The following FASLG variants were observed in gnomAD, a reference collection of about 807,000 sequenced individuals.
The protein encoded by FASLG is tumor necrosis factor ligand superfamily member 6.
Under a neutral mutation model 24.6 loss-of-function variants are expected in FASLG, and 9 were observed. The observed-to-expected ratio is 0.37, with a 90% CI of 0.22 to 0.64. The LOEUF is 0.64. FASLG is among the 30% of genes least tolerant of loss of function. The pLI, the probability that FASLG is intolerant of heterozygous loss-of-function variation, is 0.64. For missense variants in FASLG, 306 were observed against 345.3 expected (o/e 0.89, Z 0.90); for synonymous variants, 130 against 135.5 (o/e 0.96, Z 0.28).
In FASLG at chr1:172,664,318, T is replaced by G; in HGVS notation, c.395-16T>G. The G allele has an allele frequency of 5.0e-6, 8 of 1,613,148 alleles. No individual in the cohort carries two copies. The highest frequency in any genetic ancestry group is 6.8e-6 in the Non-Finnish European group (8 of 1,179,422). ...ATTTCATTTTAACATATATTTTTCCTCTCTCTATGATACAGGCCACCCCAG... is the reference window on the plus strand; with the variant it reads ...ATTTCATTTTAACATATATTTTTCCGCTCTCTATGATACAGGCCACCCCAG... On this transcript the variant is annotated splice_polypyrimidine_tract_variant and intron_variant, in intron 2 of 3. Coordinates refer to ENST00000367721, the MANE Select transcript of FASLG (RefSeq NM_000639.3).
At chr1:172,661,763 A>G (rs1304367544) in intron 2 of FASLG, among the ~76,000 whole-genome samples, 1 of 152,202 alleles carries the variant, frequency 6.6e-6, no homozygotes. Flanking sequence ...AAATTAATAA[A>G]GATTAAAAAA....
rs1181655715 is a variant in FASLG at position 172,666,820 on chromosome 1, G to A, written c.*804G>A. The A allele has an allele frequency of 1.3e-5, 2 of 152,364 alleles. No individual in the cohort carries two copies. The highest frequency in any genetic ancestry group is 2.9e-5 in the Non-Finnish European group (2 of 68,018). The allele number at this position is 152,364 out of a possible 1,614,324, so 9.4% of individuals were successfully genotyped here. A position where few individuals can be genotyped will look rare whatever the true frequency, so the allele number is the denominator to read the frequency against. Reference sequence around the variant, plus strand: ...TAATATAATAAATATTTATGTAGATGTGCATTTTTGTGAAATGAAAACATG... The same window carrying A: ...TAATATAATAAATATTTATGTAGATATGCATTTTTGTGAAATGAAAACATG... On this transcript the variant is annotated 3_prime_UTR_variant, in exon 4 of 4. Transcript: ENST00000367721.
chr1:172,659,653 T>G (rs1659096589), intron 1 of FASLG, 104 bp downstream of exon 1: 11 of 1,453,060 alleles, frequency 7.6e-6, no homozygotes, highest in Non-Finnish European at 1.0e-5. Flanking sequence ...TTTTTTTTTT[T>G]TCTTAGAAAT....
In FASLG at chr1:172,659,177, G is replaced by C; in HGVS notation, c.-25G>C. Reference sequence around the variant, plus strand: ...TGAGAAGAAGTAAAACCGTTTGCTGGGGCTGGCCTGACTCACCAGCTGCCA... The same window carrying C: ...TGAGAAGAAGTAAAACCGTTTGCTGCGGCTGGCCTGACTCACCAGCTGCCA... On this transcript the variant is annotated 5_prime_UTR_variant, in exon 1 of 4. Coordinates refer to ENST00000367721, the MANE Select transcript of FASLG (RefSeq NM_000639.3). The C allele has an allele frequency of 6.2e-7, 1 of 1,614,004 alleles. No homozygotes were observed. The highest frequency in any genetic ancestry group is 8.5e-7 in the Non-Finnish European group (1 of 1,179,990).
Position 172,665,903 on chromosome 1 carries a change from C to T in FASLG, c.733C>T (p.Leu245=), listed in dbSNP as rs1436573920. ...GCAGATGTGGGCCCGCAGCAGCTACCTGGGGGCAGTGTTCAATCTTACCAG... is the reference window on the plus strand; with the variant it reads ...GCAGATGTGGGCCCGCAGCAGCTACTTGGGGGCAGTGTTCAATCTTACCAG... ...TGQMWARSSY[L]GAVFNLTSAD... The change falls in exon 4 of 4, where the codon CTG becomes TTG. Residue 245 remains leucine, a synonymous_variant. Transcript: ENST00000367721. 1 of 1,611,610 alleles carries T rather than the reference C, an allele frequency of 6.2e-7. No homozygotes were observed. The highest frequency in any genetic ancestry group is 1.3e-5 in the African/African-American group (1 of 74,830).
chr1:172,665,558 A>G (rs1464450760), intron 3 of FASLG, 64 bp from the exon 4 acceptor site: 8 of 1,590,678 alleles, frequency 5.0e-6, no homozygotes, highest in East Asian at 2.2e-5. Context: ...GTTTTGCCTT[A>G]GAAACTTAGT....
Position 172,660,139 on chromosome 1 carries a change from A to C in FASLG, c.393A>C (p.Ile131=). The C allele has an allele frequency of 6.2e-7, 1 of 1,614,066 alleles. No homozygotes were observed. The highest frequency in any genetic ancestry group is 8.5e-7 in the Non-Finnish European group (1 of 1,179,898). Residue 131 remains isoleucine (I), a splice_region_variant and synonymous_variant, in exon 2 of 4, where the codon ATA becomes ATC. Coordinates refer to ENST00000367721, the MANE Select transcript of FASLG (RefSeq NM_000639.3). The part of the protein sequence containing the change: ...MHTASSLEKQ[I]GHPSPPPEKK... ...CAGCATCATCTTTGGAGAAGCAAAT[A>C]GGTGAGTCTTTTTTCGCATGTACAT... is the stretch of plus-strand genomic sequence containing the variant.
intron 2 of FASLG, 135 bp from the exon 3 acceptor site, chr1:172,664,199 A>C (rs543170183): frequency 1.2e-6 from 1 of 868,316 alleles, no homozygotes; most frequent in East Asian, 2.7e-5. Flanking sequence ...TCAGACCTAC[A>C]TGATTAGTAT....
chr1:172,660,048 A>C (rs754474862), intron 1 of FASLG, 47 bp from the exon 2 acceptor site: 7 of 1,583,552 alleles, frequency 4.4e-6, no homozygotes, highest in Non-Finnish European at 6.1e-6. Flanking sequence ...CTTTTGCTTA[A>C]AGAATTTTAT....
In FASLG at chr1:172,665,953, A is replaced by T; in HGVS notation, c.783A>T (p.Val261=). ...GTGCTGATCATTTATATGTCAACGT[A>T]TCTGAGCTCTCTCTGGTCAATTTTG... is the stretch of plus-strand genomic sequence containing the variant. ...LTSADHLYVN[V]SELSLVNFEE... Residue 261 remains valine (V), a synonymous_variant, in exon 4 of 4, where the codon GTA becomes GTT. Transcript: ENST00000367721. 6.2e-7 allele frequency: 1 copy of T among 1,613,992 alleles called. No homozygotes were observed. Among genetic ancestry groups the T allele is most frequent in the Non-Finnish European group, 8.5e-7 (1 of 1,179,890 alleles).
rs1659261838 is a variant in FASLG at position 172,666,244 on chromosome 1, C to T, written c.*228C>T. ...CGGAAGAACATAGAACTCTGGGCTGCCATGTGAAGAGGGAGAAGCATGAAA... is the reference window on the plus strand; with the variant it reads ...CGGAAGAACATAGAACTCTGGGCTGTCATGTGAAGAGGGAGAAGCATGAAA... On this transcript the variant is annotated 3_prime_UTR_variant, in exon 4 of 4. Transcript: ENST00000367721. 3.5e-6 allele frequency: 2 copies of T among 564,224 alleles called. No individual in the cohort carries two copies. Among genetic ancestry groups the T allele is most frequent in the Non-Finnish European group, 3.1e-6 (1 of 318,524 alleles). The allele number at this position is 564,224 out of a possible 1,614,324, so 35.0% of individuals were successfully genotyped here.
rs140595317 is a variant in FASLG, at chr1:172,659,309, G to A, written c.108G>A (p.Val36=). 8.1e-4 allele frequency: 1,308 copies of A among 1,613,982 alleles called. 1 individual carries two copies. The highest frequency in any genetic ancestry group is 1.1e-3 in the Non-Finnish European group (1,257 of 1,179,978). ...PGTVLPCPTS[V]PRRPGQRRPP... ...CAGTTCTTCCCTGTCCAACCTCTGT[G>A]CCCAGAAGGCCTGGTCAAAGGAGGC... The change falls in exon 1 of 4, where the codon GTG becomes GTA. Residue 36 remains valine, a synonymous_variant. Coordinates refer to ENST00000367721, the MANE Select transcript of FASLG (RefSeq NM_000639.3).
chr1:172,665,190 C>T (rs1022126301), intron 3 of FASLG, among the ~76,000 whole-genome samples: 1 of 152,164 alleles, frequency 6.6e-6, no homozygotes, highest in African/African-American at 2.4e-5. Flanking sequence ...AATTGAGGGG[C>T]TGAATAATTC....
In FASLG at chr1:172,659,454, G is replaced by T; in HGVS notation, c.253G>T (p.Val85Leu). 1 of 1,613,982 alleles carries T rather than the reference G, an allele frequency of 6.2e-7. No individual in the cohort carries two copies. ...GNHSTGLCLLVMFFMVLVALV... is the reference protein window; with the variant it reads ...GNHSTGLCLLLMFFMVLVALV... ...CCACAGCACAGGCCTGTGTCTCCTT[G>T]TGATGTTTTTCATGGTTCTGGTTGC... Residue 85 changes from valine (V) to leucine (L), a missense_variant, in exon 1 of 4, where the codon GTG (valine) becomes TTG (leucine). Transcript: ENST00000367721.
rs766268405 is a variant in FASLG, at chr1:172,665,807, A to G, written c.637A>G (p.Met213Val). The change falls in exon 4 of 4, where the codon ATG becomes GTG. Residue 213 changes from methionine to valine, a missense_variant. Physicochemically the swap from Met to Val is conservative, Grantham distance 21 (BLOSUM62 1). Coordinates refer to ENST00000367721, the MANE Select transcript of FASLG (RefSeq NM_000639.3). ...NNLPLSHKVY[M>V]RNSKYPQDLV... ...CCTGCCCCTGAGCCACAAGGTCTAC[A>G]TGAGGAACTCTAAGTATCCCCAGGA... 8.7e-6 allele frequency: 14 copies of G among 1,614,056 alleles called. No homozygotes were observed. The highest frequency in any genetic ancestry group is 1.2e-5 in the Non-Finnish European group (14 of 1,180,044).
At chr1:172,664,871 ATGGT>A (rs1659224117) in intron 3 of FASLG, among the ~76,000 whole-genome samples, 1 of 152,204 alleles carries the variant, frequency 6.6e-6, no homozygotes, top group Non-Finnish European at 1.5e-5. Flanking sequence ...GTGAAATGAT[ATGGT>A]ATGGGCACTC....
chr1:172,666,571 A>T lies in FASLG; in HGVS notation c.*555A>T, dbSNP rs1659273333. 1 of 159,312 alleles carries T rather than the reference A, an allele frequency of 6.3e-6. No individual in the cohort carries two copies. The highest frequency in any genetic ancestry group is 1.4e-5 in the Non-Finnish European group (1 of 71,626). The allele number at this position is 159,312 out of a possible 1,614,324, so 9.9% of individuals were successfully genotyped here. On this transcript the variant is annotated 3_prime_UTR_variant, in exon 4 of 4. Coordinates refer to ENST00000367721, the MANE Select transcript of FASLG (RefSeq NM_000639.3). ...AGCAAGAGAGATGTTTTGGGGACTC[A>T]TTTCATTCCTAACACAGCATGTGTA...
intron 1 of FASLG, 40 bp downstream of exon 1, chr1:172,659,589 G>A (rs752039290): frequency 1.2e-6 from 2 of 1,607,264 alleles, no homozygotes; most frequent in Non-Finnish European, 1.7e-6. Context: ...GGAGGCACCA[G>A]GCATAAGGGG....
intron 3 of FASLG, among the ~76,000 whole-genome samples, 190 bp from the exon 4 acceptor site, chr1:172,665,432 A>G (rs1255391873): frequency 6.6e-6 from 1 of 150,384 alleles, no homozygotes; most frequent in Non-Finnish European, 1.5e-5. Flanking sequence ...TGTGTGGATG[A>G]CAAAATAGGA....
Sources: gnomAD v4.1 joint callset for allele counts (sites outside exome capture counted in the v4.1 genomes callset) on GRCh38, gnomAD v4.1.1 for gene constraint, MANE v1.5 for transcripts, NCBI Gene and HGNC (gene_info 2026-07-23, HGNC 2026-07-21) for gene names.